Variants in FASTKD1 observed in about 807,000 individuals in gnomAD.
FASTKD1 encodes the protein FAST kinase domain-containing protein 1, mitochondrial.
FASTKD1 carries 94 observed loss-of-function variants against 90.9 expected under a neutral mutation model. The observed-to-expected ratio is 1.03, with a 90% CI of 0.88 to 1.23. The LOEUF is 1.23. FASTKD1 is among the 50% of genes most tolerant of loss of function. The pLI, the probability that FASTKD1 is intolerant of heterozygous loss-of-function variation, is 0.00. For synonymous variants in FASTKD1, 319 were observed against 345.8 expected, an observed-to-expected ratio of 0.92 and a Z score of 0.86; for missense variants, 945 against 993.5, an observed-to-expected ratio of 0.95 and a Z score of 0.66.
rs749549574 is a variant in FASTKD1, at chr2:169,554,561, G to GT, written c.1214+562_1214+563insA. Among the ~76,000 whole-genome samples, 453 of 116,750 alleles carry GT rather than the reference G, an allele frequency of 3.9e-3. 36 individuals carry two copies. Among genetic ancestry groups the GT allele is most frequent in the Non-Finnish European group, 6.2e-3 (296 of 47,984 alleles). 76.6% of individuals were successfully genotyped at this position (116,750 alleles called of 152,430 possible). On this transcript the variant is annotated intron_variant, in intron 7 of 14. Coordinates refer to ENST00000453153, the MANE Select transcript of FASTKD1 (RefSeq NM_024622.6). ...TGCCTGTATTCCCAGCTACTCGGGA[G>GT]GCTGAGGCAGGAGAATTGCTTGAAC...
At chr2:169,562,196 T>C (rs1486055822) in intron 4 of FASTKD1, among the ~76,000 whole-genome samples, 2 of 151,318 alleles carry the variant, frequency 1.3e-5, no homozygotes, top group Non-Finnish European at 2.9e-5. Flanking sequence ...GATTTTGTTG[T>C]TGTTGTTTCA....
At chr2:169,530,168 T>C (rs2166577) in intron 14 of FASTKD1, among the ~76,000 whole-genome samples, 53,675 of 152,088 alleles carry the variant, frequency 0.35, 10,247 homozygotes, top group East Asian at 0.48. Context: ...TTTTCCTACA[T>C]AGTCTTCTAT....
chr2:169,572,018 TG>T lies in FASTKD1; in HGVS notation c.11del (p.Thr4AsnfsTer5), dbSNP rs1259527757. 6.4e-6 allele frequency: 10 copies of T among 1,567,834 alleles called. No homozygotes were observed. The African/African-American group carries it at 1.4e-4, about 22-fold the overall frequency. The part of the protein sequence containing the change: MKK[T>X]PVFLESLVTN... ...TAACCAATGACTCTAGGAAAACAGGTGTTTTTTTCATTTATATCACAAGTTT... is the reference window on the plus strand; with the variant it reads ...TAACCAATGACTCTAGGAAAACAGGTTTTTTTTCATTTATATCACAAGTTT... On this transcript the variant is annotated frameshift_variant, in exon 2 of 15. Coordinates refer to ENST00000453153, the MANE Select transcript of FASTKD1 (RefSeq NM_024622.6). LOFTEE classifies it high-confidence loss of function.
chr2:169,531,175 A>G, intron 13 of FASTKD1, 177 bp downstream of exon 13: 1 of 779,424 alleles, frequency 1.3e-6, no homozygotes, highest in South Asian at 1.4e-5. Context: ...GGCTTTGGAC[A>G]GAAGAAGGGA....
Position 169,530,715 on chromosome 2 carries a change from A to G in FASTKD1, c.2328-14T>C. On this transcript the variant is annotated splice_polypyrimidine_tract_variant and intron_variant, in intron 13 of 14. Coordinates refer to ENST00000453153, the MANE Select transcript of FASTKD1 (RefSeq NM_024622.6). ...TCCAAAGCAATCCTACATAAAATAAAAAAATATTTACTCCTAAAATCAGAA... is the reference window on the plus strand; with the variant it reads ...TCCAAAGCAATCCTACATAAAATAAGAAAATATTTACTCCTAAAATCAGAA... The G allele has an allele frequency of 7.4e-7, 1 of 1,351,974 alleles. No homozygotes were observed. Among genetic ancestry groups the G allele is most frequent in the East Asian group, 2.3e-5 (1 of 43,422 alleles). The allele number at this position is 1,351,974 out of a possible 1,614,324, so 83.7% of individuals were successfully genotyped here.
chr2:169,559,038 G>C (rs764363750), intron 5 of FASTKD1, among the ~76,000 whole-genome samples: 4 of 148,364 alleles, frequency 2.7e-5, no homozygotes, highest in African/African-American at 1.0e-4. Context: ...GTAATGGCGC[G>C]ATCTTGGCTT....
rs200621413 is a variant in FASTKD1 at position 169,546,682 on chromosome 2, G to T, written c.1237C>A (p.Pro413Thr). The part of the protein sequence containing the change: ...LLSYLKNSFI[P>T]TEVSVLVRAI... ...CGGACCAGAACAGACACCTCAGTTG[G>T]TATGAAACTATTTTTCAAATAACTG... Residue 413 changes from proline to threonine, a missense_variant, in exon 8 of 15, where the codon CCA (proline) becomes ACA (threonine). Physicochemically the swap from Pro to Thr is conservative, Grantham distance 38 (BLOSUM62 -1). Coordinates refer to ENST00000453153, the MANE Select transcript of FASTKD1 (RefSeq NM_024622.6). 1.4e-5 allele frequency: 22 copies of T among 1,593,282 alleles called. No homozygotes were observed. Among genetic ancestry groups the T allele is most frequent in the Non-Finnish European group, 1.8e-5 (21 of 1,171,162 alleles).
chr2:169,545,280 T>G (rs1260162216), intron 8 of FASTKD1, among the ~76,000 whole-genome samples: 1 of 152,222 alleles, frequency 6.6e-6, no homozygotes, highest in Non-Finnish European at 1.5e-5. Flanking sequence ...CTAAATTGAA[T>G]AGGAAACAGT....
chr2:169,543,247 T>C (rs1465193983), intron 9 of FASTKD1, among the ~76,000 whole-genome samples: 1 of 152,114 alleles, frequency 6.6e-6, no homozygotes, highest in Non-Finnish European at 1.5e-5. Flanking sequence ...GTGGATCACC[T>C]AAAGTCGGGA....
chr2:169,536,761 G>A (rs1037569556), intron 12 of FASTKD1, among the ~76,000 whole-genome samples: 1 of 152,168 alleles, frequency 6.6e-6, no homozygotes. Flanking sequence ...TAGACCAGTT[G>A]AGAAACAAGA....
intron 4 of FASTKD1, among the ~76,000 whole-genome samples, 166 bp downstream of exon 4, chr2:169,563,059 T>C (rs999042801): frequency 7.9e-5 from 12 of 152,186 alleles, no homozygotes; most frequent in Admixed American, 5.9e-4. Context: ...CACAGCAATA[T>C]TGCAAAGTAG....
chr2:169,561,865 A>C (rs1467269403), intron 4 of FASTKD1, among the ~76,000 whole-genome samples: 1 of 19,000 alleles, frequency 5.3e-5, no homozygotes, highest in Non-Finnish European at 1.4e-4. Context: ...ATTGTAAAAT[A>C]ATTATTTATT....
intron 2 of FASTKD1, among the ~76,000 whole-genome samples, chr2:169,570,274 C>A (rs1170501420): frequency 6.6e-6 from 1 of 152,066 alleles, no homozygotes; most frequent in Non-Finnish European, 1.5e-5. Flanking sequence ...TCAGGGAACC[C>A]AGTTCTTTTG....
chr2:169,562,382 G>A (rs1203862139), intron 4 of FASTKD1, among the ~76,000 whole-genome samples: 4 of 151,692 alleles, frequency 2.6e-5, no homozygotes, highest in Admixed American at 6.6e-5. Context: ...ACAGGCGCCC[G>A]CCACCATGCC....
intron 7 of FASTKD1, among the ~76,000 whole-genome samples, chr2:169,550,468 T>C (rs933066723): frequency 6.6e-6 from 1 of 152,172 alleles, no homozygotes; most frequent in Non-Finnish European, 1.5e-5. Flanking sequence ...TTTTCTTCTT[T>C]ATATTTTTTT....
intron 10 of FASTKD1, among the ~76,000 whole-genome samples, chr2:169,538,599 C>T (rs191973536): frequency 4.3e-4 from 63 of 148,208 alleles, no homozygotes; most frequent in Non-Finnish European, 7.0e-4. Context: ...TCGCTTGAAT[C>T]CAGAAGGTGG....
intron 7 of FASTKD1, among the ~76,000 whole-genome samples, chr2:169,551,589 G>C (rs550638377): frequency 1.3e-5 from 2 of 152,242 alleles, no homozygotes; most frequent in South Asian, 2.1e-4. Flanking sequence ...TTGAGCACAG[G>C]AGTTTGGGAC....
intron 7 of FASTKD1, among the ~76,000 whole-genome samples, chr2:169,551,162 T>G (rs987701640): frequency 6.6e-6 from 1 of 152,152 alleles, no homozygotes; most frequent in Non-Finnish European, 1.5e-5. Context: ...TATGGAGCAA[T>G]AGGAATGTGT....
chr2:169,540,149 A>G lies in FASTKD1; in HGVS notation c.1847T>C (p.Leu616Pro). Residue 616 changes from leucine (L) to proline (P), a missense_variant, in exon 10 of 15, where the codon CTT (leucine) becomes CCT (proline). Leu to Pro is a moderately conservative substitution (Grantham distance 98). Transcript: ENST00000453153. ...TTCAAGTGTGGCCAAAGAGAAACCA[A>G]GAAACACTAATATAAAAGGATCCAA... is the stretch of plus-strand genomic sequence containing the variant. ...GILDPFILVFLGFSLATLEYF... is the reference protein window; with the variant it reads ...GILDPFILVFPGFSLATLEYF... 1 of 1,596,000 alleles carries G rather than the reference A, an allele frequency of 6.3e-7. No individual in the cohort carries two copies. Among genetic ancestry groups the G allele is most frequent in the Non-Finnish European group, 8.6e-7 (1 of 1,166,676 alleles).
Sources: gnomAD v4.1 joint callset for allele counts (sites outside exome capture counted in the v4.1 genomes callset) on GRCh38, gnomAD v4.1.1 for gene constraint, MANE v1.5 for transcripts, NCBI Gene and HGNC (gene_info 2026-07-23, HGNC 2026-07-21) for gene names.